CDH13: variants seen among roughly 807,000 people sequenced by gnomAD.
CDH13 encodes the protein cadherin 13.
In CDH13, 24 loss-of-function variants were observed where a neutral mutation model predicts 63.8. That is an observed-to-expected ratio of 0.38 (90% CI 0.27 to 0.53). The LOEUF (loss-of-function observed/expected upper bound fraction) is 0.53, where lower values mean the gene tolerates loss of function less well. CDH13 is among the 20% of genes least tolerant of loss of function. The probability of loss-of-function intolerance (pLI) is 0.85; values close to 1 mark genes in which losing one functional copy is unlikely to be tolerated. For missense variants in CDH13, 1,049 were observed against 903.1 expected (o/e 1.16, Z -2.07); for synonymous variants, 503 against 355.3 (o/e 1.42, Z -4.67).
chr16:82,909,091 A>T (rs1333103905), intron 2 of CDH13, among the ~76,000 whole-genome samples: 1 of 152,214 alleles, frequency 6.6e-6, no homozygotes, highest in Non-Finnish European at 1.5e-5. Context: ...TATGATATGT[A>T]ATACAATGTA....
At chr16:83,564,328 A>G (rs2075755610) in intron 7 of CDH13, among the ~76,000 whole-genome samples, 1 of 152,094 alleles carries the variant, frequency 6.6e-6, no homozygotes, top group Non-Finnish European at 1.5e-5. Flanking sequence ...AGGCATTAAC[A>G]TAAACCCAGA....
At chr16:82,900,927 A>G (rs181108142) in intron 2 of CDH13, among the ~76,000 whole-genome samples, 38 of 152,356 alleles carry the variant, frequency 2.5e-4, no homozygotes, top group African/African-American at 8.7e-4. Flanking sequence ...CAAGCACTAA[A>G]TCCCAGGAAT....
chr16:83,132,185 G>GAAC (rs2036083185), intron 4 of CDH13, among the ~76,000 whole-genome samples: 1 of 152,090 alleles, frequency 6.6e-6, no homozygotes, highest in Non-Finnish European at 1.5e-5. Context: ...CTTAGAGGCT[G>GAAC]AACCAGAAAG....
intron 5 of CDH13, among the ~76,000 whole-genome samples, chr16:83,271,942 C>G (rs933602949): frequency 6.6e-6 from 1 of 152,196 alleles, no homozygotes; most frequent in Non-Finnish European, 1.5e-5. Flanking sequence ...CCGGAAATTA[C>G]TTTTGATCCA....
At chr16:83,785,169 T>C (rs1482888358) in intron 13 of CDH13, among the ~76,000 whole-genome samples, 2 of 152,210 alleles carry the variant, frequency 1.3e-5, no homozygotes, top group Non-Finnish European at 2.9e-5. Flanking sequence ...TCTTAGTCCA[T>C]TCGGGCTACT....
chr16:83,209,573 T>C (rs2151776534), intron 4 of CDH13, among the ~76,000 whole-genome samples: 1 of 151,798 alleles, frequency 6.6e-6, no homozygotes, highest in Non-Finnish European at 1.5e-5. Flanking sequence ...AATTTGTGAG[T>C]TTATGAAGCA....
chr16:83,425,820 CT>C (rs1448802564), intron 6 of CDH13, among the ~76,000 whole-genome samples: 11 of 151,008 alleles, frequency 7.3e-5, no homozygotes, highest in African/African-American at 2.7e-4. Flanking sequence ...TTTTTTCTTT[CT>C]CCCTTCCTTC....
chr16:83,678,059 A>T, intron 9 of CDH13, 149 bp from the exon 10 acceptor site: 1 of 623,988 alleles, frequency 1.6e-6, no homozygotes, highest in Non-Finnish European at 2.7e-6. Flanking sequence ...TCTTAAAGAT[A>T]GCCCCCCAGT....
chr16:82,691,925 G>A (rs963829755), intron 1 of CDH13, among the ~76,000 whole-genome samples: 7 of 152,066 alleles, frequency 4.6e-5, no homozygotes, highest in African/African-American at 1.7e-4. Context: ...CCAGCAACCT[G>A]TATTTTCACA....
At chr16:83,099,872 A>T (rs745810720) in intron 3 of CDH13, among the ~76,000 whole-genome samples, 1 of 152,110 alleles carries the variant, frequency 6.6e-6, no homozygotes, top group Non-Finnish European at 1.5e-5. Flanking sequence ...AGGAGGTGGT[A>T]CTGTTATCGC....
chr16:82,868,690 C>G (rs372692870), intron 2 of CDH13, among the ~76,000 whole-genome samples: 1 of 152,178 alleles, frequency 6.6e-6, no homozygotes, highest in East Asian at 1.9e-4. Flanking sequence ...AGCCTTTGGG[C>G]TAAATTTGCC....
intron 5 of CDH13, among the ~76,000 whole-genome samples, chr16:83,218,816 G>A (rs1308333734): frequency 1.3e-5 from 2 of 152,202 alleles, no homozygotes; most frequent in Non-Finnish European, 2.9e-5. Context: ...CCCAGTGGGA[G>A]GTAATTGAGT....
At chr16:83,627,139 A>AG (rs1910383013) in intron 8 of CDH13, among the ~76,000 whole-genome samples, 1 of 151,186 alleles carries the variant, frequency 6.6e-6, no homozygotes, top group South Asian at 2.1e-4. Context: ...AAAAAAAAAA[A>AG]ATGAGCTGAG....
chr16:82,628,795 A>G (rs1309648645), intron 1 of CDH13, among the ~76,000 whole-genome samples: 1 of 152,148 alleles, frequency 6.6e-6, no homozygotes, highest in East Asian at 1.9e-4. Context: ...GGCGGTTTGG[A>G]GCATGCCTCA....
intron 11 of CDH13, among the ~76,000 whole-genome samples, chr16:83,769,676 C>T (rs1436003407): frequency 2.6e-5 from 4 of 152,108 alleles, no homozygotes; most frequent in Non-Finnish European, 5.9e-5. Context: ...GCCAAGTGGG[C>T]GTGTTTTCAC....
intron 5 of CDH13, among the ~76,000 whole-genome samples, chr16:83,291,679 C>T (rs2089469750): frequency 6.6e-6 from 1 of 152,060 alleles, no homozygotes; most frequent in Non-Finnish European, 1.5e-5. Flanking sequence ...CTAGCCCTGA[C>T]TGCTAATAAC....
At chr16:82,835,329 C>G (rs926485689) in intron 1 of CDH13, among the ~76,000 whole-genome samples, 2 of 152,196 alleles carry the variant, frequency 1.3e-5, no homozygotes, top group African/African-American at 4.8e-5. Flanking sequence ...TTCTGACATT[C>G]ACAGGGAATG....
chr16:83,234,080 C>T (rs1007924738), intron 5 of CDH13, among the ~76,000 whole-genome samples: 1 of 152,166 alleles, frequency 6.6e-6, no homozygotes, highest in African/African-American at 2.4e-5. Context: ...AATAGGGTGA[C>T]GGCCGGAAGG....
chr16:82,767,016 G>A (rs573107864), intron 1 of CDH13, among the ~76,000 whole-genome samples: 6 of 151,962 alleles, frequency 3.9e-5, no homozygotes, highest in East Asian at 1.9e-4. Flanking sequence ...TGTGTCTCCC[G>A]TCCATCCACT....
Sources: allele counts gnomAD v4.1 joint callset (sites outside exome capture counted in the v4.1 genomes callset), GRCh38; gene constraint gnomAD v4.1.1; transcripts MANE v1.5; gene names NCBI Gene and HGNC (gene_info 2026-07-23, HGNC 2026-07-21).